The following CAMTA1 variants were observed in gnomAD, a reference collection of about 807,000 sequenced individuals.
CAMTA1 encodes the protein calmodulin-binding transcription activator 1.
In CAMTA1, 27 loss-of-function variants were observed where a neutral mutation model predicts 170.9. The ratio of observed to expected loss-of-function variants is 0.16; its 90% CI spans 0.12 to 0.22. The LOEUF is 0.22. Among genes scored for constraint, CAMTA1 ranks in the 10% least tolerant of loss-of-function variants. The probability of loss-of-function intolerance (pLI) is 1.00; values close to 1 mark genes in which losing one functional copy is unlikely to be tolerated. For synonymous variants in CAMTA1, 833 were observed against 891.5 expected, an observed-to-expected ratio of 0.93 and a Z score of 1.17; for missense variants, 1,619 against 2,217.2, an observed-to-expected ratio of 0.73 and a Z score of 5.42.
intron 4 of CAMTA1, among the ~76,000 whole-genome samples, chr1:7,141,266 G>A (rs968292039): frequency 6.6e-6 from 1 of 152,152 alleles, no homozygotes; most frequent in Non-Finnish European, 1.5e-5. Context: ...AGGTGTGACC[G>A]GCTTCAGAAG....
intron 6 of CAMTA1, among the ~76,000 whole-genome samples, chr1:7,520,215 T>C (rs183245773): frequency 7.7e-3 from 2 of 260 alleles, no homozygotes; most frequent in Admixed American, 0.026. Context: ...CTCCTCCTCC[T>C]CCTCCTCCTC....
chr1:6,983,506 C>T (rs186269816), intron 3 of CAMTA1, among the ~76,000 whole-genome samples: 18 of 152,300 alleles, frequency 1.2e-4, no homozygotes, highest in African/African-American at 4.1e-4. Flanking sequence ...TATGCTTTTC[C>T]TTTGTAATAC....
chr1:7,562,617 G>A lies in CAMTA1; in HGVS notation c.511-77783G>A, dbSNP rs190502274. ...CCAGAAATGTTATCTCCTCTTTTTC[G>A]GAGATGTCACCCACAACCGTCCGAA... On this transcript the variant is annotated intron_variant, in intron 6 of 22. Coordinates refer to ENST00000303635, the MANE Select transcript of CAMTA1 (RefSeq NM_015215.4). This position sits in a 1 kb window ranked among gnomAD's most constrained non-coding sequence, Gnocchi z 4.8. 3.9e-5 allele frequency among the ~76,000 whole-genome samples: 6 copies of A among 152,200 alleles called. No homozygotes were observed. Among genetic ancestry groups the A allele is most frequent in the South Asian group, 2.1e-4 (1 of 4,820 alleles).
In CAMTA1 at chr1:7,113,658, G is replaced by A. The variant is rs572514843; in HGVS notation, c.302+22287G>A. Among the ~76,000 whole-genome samples, 2 of 152,314 alleles carry A rather than the reference G, an allele frequency of 1.3e-5. No individual in the cohort carries two copies. Among genetic ancestry groups the A allele is most frequent in the South Asian group, 2.1e-4 (1 of 4,824 alleles). On this transcript the variant is annotated intron_variant, in intron 4 of 22. Coordinates refer to ENST00000303635, the MANE Select transcript of CAMTA1 (RefSeq NM_015215.4). The surrounding 1 kb of genome is among the most constrained non-coding windows in gnomAD (Gnocchi z 4.5). Reference sequence around the variant, plus strand: ...TATTCTAACATGGTAATGAGGAAGCGGCTTTTGTCCAAGAGGTGAGATATG... The same window carrying A: ...TATTCTAACATGGTAATGAGGAAGCAGCTTTTGTCCAAGAGGTGAGATATG...
At chr1:7,711,771 CT>C (rs2096572636) in intron 11 of CAMTA1, among the ~76,000 whole-genome samples, 2 of 152,276 alleles carry the variant, frequency 1.3e-5, no homozygotes, top group Non-Finnish European at 2.9e-5. Context: ...ACCAATGCCC[CT>C]GGCGCGCGTG....
At chr1:7,200,177 A>G (rs1408676646) in intron 4 of CAMTA1, among the ~76,000 whole-genome samples, 1 of 152,210 alleles carries the variant, frequency 6.6e-6, no homozygotes, top group Non-Finnish European at 1.5e-5. Flanking sequence ...GGGTGTGTGT[A>G]TATATATGAA....
chr1:7,721,878 T>C (rs996883494), intron 11 of CAMTA1, among the ~76,000 whole-genome samples: 3 of 152,144 alleles, frequency 2.0e-5, no homozygotes, highest in African/African-American at 7.2e-5. Context: ...CCTCCCACAG[T>C]GTTGGGATTA....
At chr1:6,898,664 G>T (rs1272132317) in intron 3 of CAMTA1, among the ~76,000 whole-genome samples, 3 of 152,228 alleles carry the variant, frequency 2.0e-5, no homozygotes, top group African/African-American at 4.8e-5. Context: ...ATCCTGGGTG[G>T]AGTTGGTGCT....
At chr1:6,908,284 C>G (rs969095826) in intron 3 of CAMTA1, among the ~76,000 whole-genome samples, 1 of 152,246 alleles carries the variant, frequency 6.6e-6, no homozygotes, top group Non-Finnish European at 1.5e-5. Context: ...CCCTTCACGC[C>G]TCTTGTGTCC....
chr1:6,847,869 A>ATTTTTT (rs70984025), intron 3 of CAMTA1, among the ~76,000 whole-genome samples: 2 of 139,358 alleles, frequency 1.4e-5, no homozygotes, highest in Non-Finnish European at 3.1e-5. Context: ...CACCCAGCTA[A>ATTTTTT]TTTTTTTTTT....
At chr1:6,847,699 C>A (rs1658774866) in intron 3 of CAMTA1, among the ~76,000 whole-genome samples, 1 of 151,342 alleles carries the variant, frequency 6.6e-6, no homozygotes, top group Non-Finnish European at 1.5e-5. Context: ...ACTGCCACCC[C>A]CAGCTAACTT....
At chr1:7,254,588 G>T (rs1019458424) in intron 5 of CAMTA1, among the ~76,000 whole-genome samples, 1 of 152,200 alleles carries the variant, frequency 6.6e-6, no homozygotes, top group Non-Finnish European at 1.5e-5. Flanking sequence ...GATGGCAGTG[G>T]TGGTAATGAG....
rs1216321773 is a variant in CAMTA1 at position 7,570,450 on chromosome 1, G to T, written c.511-69950G>T. 6.6e-6 allele frequency among the ~76,000 whole-genome samples: 1 copy of T among 152,258 alleles called. No individual in the cohort carries two copies. The highest frequency in any genetic ancestry group is 2.4e-5 in the African/African-American group (1 of 41,470). ...GGCAAACCCGGACCAGCCCGTGCAT[G>T]TGCCAAGGGCTGGCCCAGGATGTCG... On this transcript the variant is annotated intron_variant, in intron 6 of 22. Coordinates refer to ENST00000303635, the MANE Select transcript of CAMTA1 (RefSeq NM_015215.4). This position sits in a 1 kb window ranked among gnomAD's most constrained non-coding sequence, Gnocchi z 4.3.
At chr1:7,492,196 G>A (rs913450212) in intron 6 of CAMTA1, among the ~76,000 whole-genome samples, 2 of 152,164 alleles carry the variant, frequency 1.3e-5, no homozygotes, top group Admixed American at 6.5e-5. Flanking sequence ...ATCATCCTCT[G>A]CGAGGAAGGC....
intron 3 of CAMTA1, among the ~76,000 whole-genome samples, chr1:7,062,208 G>A (rs1478863133): frequency 7.2e-5 from 11 of 152,058 alleles, no homozygotes; most frequent in African/African-American, 2.2e-4. Context: ...GTGAGTCACC[G>A]CCCCCGGCGG....
At chr1:7,750,981 A>G (rs534023827) in intron 19 of CAMTA1, 6 of 689,364 alleles carry the variant, frequency 8.7e-6, no homozygotes, top group Middle Eastern at 2.4e-4. Flanking sequence ...GGGAAAAAAT[A>G]TATGTCTGAA....
At chr1:7,366,744 C>T (rs1050212348) in intron 5 of CAMTA1, among the ~76,000 whole-genome samples, 1 of 152,246 alleles carries the variant, frequency 6.6e-6, no homozygotes, top group Non-Finnish European at 1.5e-5. Context: ...GCACTGGCGC[C>T]AGCCTTGTGC....
rs911656618 is a variant in CAMTA1, at chr1:7,664,256, C to T, written c.1709C>T (p.Pro570Leu). The T allele has an allele frequency of 9.9e-6, 16 of 1,612,622 alleles. No homozygotes were observed. Among genetic ancestry groups the T allele is most frequent in the Non-Finnish European group, 1.4e-5 (16 of 1,179,890 alleles). Reference sequence around the variant, plus strand: ...CTGACCGCCGGCTCCAGCCTCCTGCCGTCGGGCGGCGGCCTGAGTCCCAGC... The same window carrying T: ...CTGACCGCCGGCTCCAGCCTCCTGCTGTCGGGCGGCGGCCTGAGTCCCAGC... Reference protein sequence around the residue: ...LTLTAGSSLLPSGGGLSPSTT... With the variant: ...LTLTAGSSLLLSGGGLSPSTT... The change falls in exon 9 of 23, where the codon CCG becomes CTG. Residue 570 changes from proline to leucine, a missense_variant. By Grantham distance (98) the Pro-to-Leu change is moderately conservative. This residue lies in a region of CAMTA1 where 731 missense variants were observed against 907.6 expected (regional missense o/e 0.81). Coordinates refer to ENST00000303635, the MANE Select transcript of CAMTA1 (RefSeq NM_015215.4).
intron 3 of CAMTA1, among the ~76,000 whole-genome samples, chr1:6,877,917 G>A (rs1322615356): frequency 6.6e-6 from 1 of 152,222 alleles, no homozygotes; most frequent in East Asian, 1.9e-4. Flanking sequence ...TCACCTTGGA[G>A]CATCTGACCA....
Sources: gnomAD v4.1 joint callset for allele counts (sites outside exome capture counted in the v4.1 genomes callset) on GRCh38, gnomAD v4.1.1 for gene constraint, gnomAD v4.1.1 regional missense constraint, Gnocchi (gnomAD v3.1) non-coding constraint, MANE v1.5 for transcripts, NCBI Gene and HGNC (gene_info 2026-07-23, HGNC 2026-07-21) for gene names.